Variants in SNX4 observed in about 807,000 individuals in gnomAD.
SNX4 encodes sorting nexin 4, also known as sorting nexin-4.
Under a neutral mutation model 70.8 loss-of-function variants are expected in SNX4, and 49 were observed. The ratio of observed to expected loss-of-function variants is 0.69; its 90% CI spans 0.55 to 0.88. The LOEUF is 0.88. SNX4 is among the 40% of genes least tolerant of loss of function. The probability of loss-of-function intolerance (pLI) is 0.00; values close to 1 mark genes in which losing one functional copy is unlikely to be tolerated. For synonymous variants in SNX4, 206 were observed against 183.8 expected (o/e 1.12, Z -0.98); for missense variants, 528 against 544.8 (o/e 0.97, Z 0.31).
At chr3:125,504,012 C>T (rs1188028346) in intron 2 of SNX4, among the ~76,000 whole-genome samples, 1 of 151,880 alleles carries the variant, frequency 6.6e-6, no homozygotes, top group African/African-American at 2.4e-5. Flanking sequence ...GACTGAGCAA[C>T]AGAGTGAGAC....
At chr3:125,496,911 C>T (rs1232962222) in intron 5 of SNX4, among the ~76,000 whole-genome samples, 1 of 152,062 alleles carries the variant, frequency 6.6e-6, no homozygotes, top group Non-Finnish European at 1.5e-5. Context: ...ATCTTTTAGA[C>T]TGCTAAGGTT....
At chr3:125,513,237 C>CAG (rs1198630098) in intron 1 of SNX4, among the ~76,000 whole-genome samples, 2 of 152,142 alleles carry the variant, frequency 1.3e-5, no homozygotes, top group Non-Finnish European at 2.9e-5. Flanking sequence ...TGTGAGGACA[C>CAG]AGTGAAAAGA....
chr3:125,504,979 A>T lies in SNX4; in HGVS notation c.142-235T>A, dbSNP rs545923964. ...TTTAGTTATGTATGTATTTATTTTT[A>T]TTTTTTTTGAGACCAAGTCTCACTC... is the stretch of plus-strand genomic sequence containing the variant. On this transcript the variant is annotated intron_variant, in intron 1 of 13. Transcript: ENST00000251775. Among the ~76,000 whole-genome samples the T allele has an allele frequency of 3.9e-5, 6 of 151,984 alleles. No homozygotes were observed. In the South Asian group the frequency reaches 8.3e-4, roughly 21 times the overall value.
At chr3:125,497,153 A>G (rs1464573234) in intron 5 of SNX4, among the ~76,000 whole-genome samples, 188 bp downstream of exon 5, 1 of 152,128 alleles carries the variant, frequency 6.6e-6, no homozygotes, top group Non-Finnish European at 1.5e-5. Flanking sequence ...TTATAGTCTC[A>G]TAAGTAACTA....
intron 9 of SNX4, among the ~76,000 whole-genome samples, chr3:125,463,235 G>T (rs930933132): frequency 2.6e-5 from 4 of 152,198 alleles, no homozygotes; most frequent in South Asian, 2.1e-4. Flanking sequence ...TTACAGCTAT[G>T]AGAGTGAATA....
At position 125,467,243 on chromosome 3, in the gene SNX4, C is replaced by T. The variant is rs893163013; in HGVS notation, c.854+2211G>A. Among the ~76,000 whole-genome samples the T allele has an allele frequency of 4.0e-5, 6 of 151,600 alleles. No individual in the cohort carries two copies. The East Asian group carries it at 5.8e-4, about 15-fold the overall frequency. ...CTCTACTAAAAATACCAAAATTAGC[C>T]GGGTGTGGTGGTGGGCGCCTGTAAT... On this transcript the variant is annotated intron_variant, in intron 9 of 13. Coordinates refer to ENST00000251775, the MANE Select transcript of SNX4 (RefSeq NM_003794.4).
chr3:125,459,292 T>C (rs1248609177), intron 10 of SNX4, among the ~76,000 whole-genome samples: 5 of 152,228 alleles, frequency 3.3e-5, no homozygotes, highest in African/African-American at 1.2e-4. Context: ...AGAATTTAGC[T>C]AGGCATTGAC....
chr3:125,472,442 C>G (rs1159650101), intron 8 of SNX4, among the ~76,000 whole-genome samples: 1 of 151,772 alleles, frequency 6.6e-6, no homozygotes, highest in African/African-American at 2.4e-5. Context: ...ATGTTTTCAT[C>G]ATGGATATTG....
intron 6 of SNX4, among the ~76,000 whole-genome samples, chr3:125,484,263 T>C (rs907341057): frequency 2.0e-5 from 3 of 152,212 alleles, no homozygotes; most frequent in East Asian, 3.9e-4. Context: ...TTATTTTCCA[T>C]ATTCTTTTTG....
rs188782293 is a variant in SNX4 at position 125,449,487 on chromosome 3, C to T, written c.1306-1661G>A. Among the ~76,000 whole-genome samples, 89 of 151,972 alleles carry T rather than the reference C, an allele frequency of 5.9e-4. 1 individual carries two copies. In the East Asian group the frequency reaches 0.016, roughly 28 times the overall value. On this transcript the variant is annotated intron_variant, in intron 13 of 13. Coordinates refer to ENST00000251775, the MANE Select transcript of SNX4 (RefSeq NM_003794.4). ...TGTTGCCCAGCCTAGTCTTGAACTC[C>T]TGGGATCAAGTGATCCTCCTGCCTC...
intron 13 of SNX4, among the ~76,000 whole-genome samples, chr3:125,448,394 C>G (rs1165104711): frequency 6.6e-6 from 1 of 151,824 alleles, no homozygotes. Flanking sequence ...CTCTGCCTCC[C>G]AAAGTGCTGG....
chr3:125,454,470 C>A (rs1933659303), intron 11 of SNX4, among the ~76,000 whole-genome samples: 1 of 152,218 alleles, frequency 6.6e-6, no homozygotes, highest in Non-Finnish European at 1.5e-5. Flanking sequence ...GCACCCCCTG[C>A]CCTGGTCCAT....
chr3:125,471,777 T>C (rs1397119118), intron 8 of SNX4, among the ~76,000 whole-genome samples: 2 of 152,232 alleles, frequency 1.3e-5, no homozygotes, highest in African/African-American at 4.8e-5. Flanking sequence ...ATTTAGTCCA[T>C]TTCTGCACAG....
chr3:125,447,927 T>C, intron 13 of SNX4, 101 bp from the exon 14 acceptor site: 1 of 677,556 alleles, frequency 1.5e-6, no homozygotes, highest in Non-Finnish European at 2.5e-6. Flanking sequence ...TTTGGAATAA[T>C]TAAGAAGTCG....
intron 9 of SNX4, among the ~76,000 whole-genome samples, chr3:125,466,270 C>G (rs1215660679): frequency 6.6e-6 from 1 of 151,298 alleles, no homozygotes; most frequent in African/African-American, 2.4e-5. Flanking sequence ...TAAACTGGAC[C>G]CCTTCCTGTT....
At chr3:125,501,382 G>A (rs1480466562) in intron 2 of SNX4, among the ~76,000 whole-genome samples, 2 of 152,156 alleles carry the variant, frequency 1.3e-5, no homozygotes, top group Non-Finnish European at 2.9e-5. Flanking sequence ...TTTGGGAGGA[G>A]GCCAAGGCAG....
chr3:125,480,221 T>C, intron 7 of SNX4, 26 bp downstream of exon 7: 1 of 1,464,944 alleles, frequency 6.8e-7, no homozygotes, highest in Non-Finnish European at 9.2e-7. Context: ...TGCATGTGCA[T>C]CAAAAAGCTT....
At chr3:125,462,572 CAG>C (rs1220243284) in intron 9 of SNX4, among the ~76,000 whole-genome samples, 4 of 106,036 alleles carry the variant, frequency 3.8e-5, no homozygotes. Context: ...GCTGGGGTGA[CAG>C]AGTTAGACTC....
chr3:125,506,469 T>C (rs1005789229), intron 1 of SNX4, among the ~76,000 whole-genome samples: 1 of 151,236 alleles, frequency 6.6e-6, no homozygotes, highest in Non-Finnish European at 1.5e-5. Flanking sequence ...GCCTCCTGAG[T>C]AGCCAGGATT....
Sources: gnomAD v4.1 joint callset for allele counts (sites outside exome capture counted in the v4.1 genomes callset) on GRCh38, gnomAD v4.1.1 for gene constraint, MANE v1.5 for transcripts, NCBI Gene and HGNC (gene_info 2026-07-23, HGNC 2026-07-21) for gene names.